AGR2: variants seen among roughly 807,000 people sequenced by gnomAD.
AGR2 encodes the protein anterior gradient 2, protein disulphide isomerase family member.
A neutral mutation model predicts 25.9 loss-of-function variants in AGR2; 27 were observed. The observed-to-expected ratio is 1.04, with a 90% CI of 0.77 to 1.44. The LOEUF is 1.44. AGR2 is among the 40% of genes most tolerant of loss of function. The pLI is 0.00. For missense variants in AGR2, 182 were observed against 200.9 expected, an observed-to-expected ratio of 0.91 and a Z score of 0.57; for synonymous variants, 78 against 72.0, an observed-to-expected ratio of 1.08 and a Z score of -0.42.
intron 5 of AGR2, 155 bp downstream of exon 5, chr7:16,799,589 A>G: frequency 1.8e-6 from 1 of 554,404 alleles, no homozygotes; most frequent in Non-Finnish European, 3.2e-6. Flanking sequence ...TTATTAATAC[A>G]ACGAAATATC....
chr7:16,795,159 C>G (rs1785023495), intron 6 of AGR2, 140 bp from the exon 7 acceptor site: 3 of 905,740 alleles, frequency 3.3e-6, no homozygotes, highest in South Asian at 1.5e-5. Flanking sequence ...GAGCTCTGAT[C>G]CATCCACTCT....
At chr7:16,794,885 A>G (rs372909656) in intron 7 of AGR2, 51 bp downstream of exon 7, 17 of 1,612,578 alleles carry the variant, frequency 1.1e-5, no homozygotes, top group Non-Finnish European at 1.4e-5. Context: ...TCACTACAGC[A>G]ATAGAGGTGT....
rs140883477 is a variant in AGR2 at position 16,798,921 on chromosome 7, A to T, written c.330+823T>A. Among the ~76,000 whole-genome samples, 562 of 152,344 alleles carry T rather than the reference A, an allele frequency of 3.7e-3. 3 individuals carry two copies. The highest frequency in any genetic ancestry group is 0.013 in the African/African-American group (539 of 41,582). On this transcript the variant is annotated intron_variant, in intron 5 of 7. Coordinates refer to ENST00000419304, the MANE Select transcript of AGR2 (RefSeq NM_006408.4). ...TTAAGCTGATTATGAGATATCTGGA[A>T]TATGGTTGGATAGACAATTTGGAAG... is the stretch of plus-strand genomic sequence containing the variant.
At chr7:16,798,127 G>T (rs543569049) in intron 5 of AGR2, among the ~76,000 whole-genome samples, 42 of 152,312 alleles carry the variant, frequency 2.8e-4, no homozygotes, top group African/African-American at 1.0e-3. Context: ...TTTAATGAAT[G>T]CACACTCTAT....
chr7:16,795,088 G>A lies in AGR2; in HGVS notation c.395-69C>T, dbSNP rs540621101. The stretch of plus-strand genomic sequence containing the variant: ...TCAAACAACCTGTATTTATTGCCCC[G>A]GGGAGCTGAAGTTCATGTATTCATG... On this transcript the variant is annotated intron_variant, in intron 6 of 7. Coordinates refer to ENST00000419304, the MANE Select transcript of AGR2 (RefSeq NM_006408.4). 5.5e-5 allele frequency: 85 copies of A among 1,543,818 alleles called. 1 individual carries two copies. In the East Asian group the frequency reaches 9.4e-4, roughly 17 times the overall value.
chr7:16,802,262 C>G (rs766256363), intron 1 of AGR2, among the ~76,000 whole-genome samples: 23 of 152,224 alleles, frequency 1.5e-4, no homozygotes, highest in Middle Eastern at 3.4e-3. Flanking sequence ...ATAATTTCAA[C>G]TTTATCATAG....
At chr7:16,795,572 A>G (rs891963590) in intron 6 of AGR2, among the ~76,000 whole-genome samples, 1 of 152,198 alleles carries the variant, frequency 6.6e-6, no homozygotes. Flanking sequence ...TTAAAAGTAG[A>G]GATTGGTCTT....
At chr7:16,799,530 A>G (rs1294700926) in intron 5 of AGR2, 4 of 484,284 alleles carry the variant, frequency 8.3e-6, no homozygotes, top group Non-Finnish European at 1.4e-5. Flanking sequence ...AATTTTTCAG[A>G]CAAACTAAGA....
intron 5 of AGR2, 159 bp downstream of exon 5, chr7:16,799,585 A>C: frequency 1.8e-6 from 1 of 552,460 alleles, no homozygotes; most frequent in Non-Finnish European, 3.2e-6. Flanking sequence ...TGGATTATTA[A>C]TACAACGAAA....
At chr7:16,794,628 TAGA>T (rs910797641) in intron 7 of AGR2, 4 of 558,990 alleles carry the variant, frequency 7.2e-6, no homozygotes, top group Non-Finnish European at 1.2e-5. Context: ...AGTTCTGTGA[TAGA>T]AGGAGTGTGT....
Position 16,801,531 on chromosome 7 carries a change from A to G in AGR2, c.139+127T>C, listed in dbSNP as rs1177851275. 6 of 1,373,088 alleles carry G rather than the reference A, an allele frequency of 4.4e-6. 1 individual carries two copies. In the African/African-American group the frequency reaches 7.2e-5, roughly 16 times the overall value. The allele number at this position is 1,373,088 out of a possible 1,614,324, so 85.1% of individuals were successfully genotyped here. ...AAAGTAGAAATAATTATAAACAGTG[A>G]TAAGTCTAGAAGGAACACAACCAAA... On this transcript the variant is annotated intron_variant, in intron 2 of 7. Coordinates refer to ENST00000419304, the MANE Select transcript of AGR2 (RefSeq NM_006408.4).
chr7:16,795,393 G>A (rs1785029060), intron 6 of AGR2, among the ~76,000 whole-genome samples: 1 of 145,540 alleles, frequency 6.9e-6, no homozygotes, highest in African/African-American at 2.6e-5. Context: ...CGATTATGTT[G>A]TAGTTTACAT....
chr7:16,796,554 T>C (rs1230113879), intron 6 of AGR2, among the ~76,000 whole-genome samples: 1 of 152,254 alleles, frequency 6.6e-6, no homozygotes, highest in Non-Finnish European at 1.5e-5. Context: ...TAAATCAGTA[T>C]GACTTTGAAC....
chr7:16,799,049 A>AAAAG (rs1785096123), intron 5 of AGR2, among the ~76,000 whole-genome samples: 1 of 152,122 alleles, frequency 6.6e-6, no homozygotes, highest in Admixed American at 6.5e-5. Flanking sequence ...ATGGAAAGAG[A>AAAAG]AAAGGGTCAA....
chr7:16,801,615 C>G, intron 2 of AGR2, 43 bp downstream of exon 2: 2 of 1,612,840 alleles, frequency 1.2e-6, no homozygotes, highest in Non-Finnish European at 1.7e-6. Context: ...AAATCTTTTC[C>G]AATTAAGTAG....
At chr7:16,795,157 A>G (rs1785023407) in intron 6 of AGR2, 138 bp from the exon 7 acceptor site, 3 of 918,598 alleles carry the variant, frequency 3.3e-6, no homozygotes, top group Non-Finnish European at 5.1e-6. Context: ...AGGAGCTCTG[A>G]TCCATCCACT....
rs1053122379 is a variant in AGR2 at position 16,794,729 on chromosome 7, A to G, written c.478+207T>C. On this transcript the variant is annotated intron_variant, in intron 7 of 7. Transcript: ENST00000419304. ...AAAAGATACCTAATCTAAATAATTC[A>G]TCTTCAATTGAGATTAAAAACAAAC... 24 of 1,308,408 alleles carry G rather than the reference A, an allele frequency of 1.8e-5. No homozygotes were observed. The Middle Eastern group carries it at 1.9e-3, about 105-fold the overall frequency. The allele number at this position is 1,308,408 out of a possible 1,614,324, so 81.0% of individuals were successfully genotyped here.
In AGR2 at chr7:16,792,201, A is replaced by G. The variant is rs1784976597; in HGVS notation, c.*707T>C. ...ATCGATTACAAGGTCAATTCCCAGGATTTCTTCAGGGTGTGTTCAGGAGTG... is the reference window on the plus strand; with the variant it reads ...ATCGATTACAAGGTCAATTCCCAGGGTTTCTTCAGGGTGTGTTCAGGAGTG... On this transcript the variant is annotated 3_prime_UTR_variant, in exon 8 of 8. Transcript: ENST00000419304. The G allele has an allele frequency of 1.3e-5, 2 of 152,168 alleles. No individual in the cohort carries two copies. The highest frequency in any genetic ancestry group is 2.9e-5 in the Non-Finnish European group (2 of 68,056). 9.4% of individuals were successfully genotyped at this position (152,168 alleles called of 1,614,324 possible). A position where few individuals can be genotyped will look rare whatever the true frequency, so the allele number is the denominator to read the frequency against.
In AGR2 at chr7:16,801,243, A is replaced by G. The variant is rs769233971; in HGVS notation, c.204-40T>C. On this transcript the variant is annotated intron_variant, in intron 3 of 7. Transcript: ENST00000419304. Reference sequence around the variant, plus strand: ...GATTAGACAAATTTTAATGAGTAAGATTTCACATATATCTAGATGTCACTA... The same window carrying G: ...GATTAGACAAATTTTAATGAGTAAGGTTTCACATATATCTAGATGTCACTA... 3.7e-5 allele frequency: 60 copies of G among 1,610,030 alleles called. No homozygotes were observed. The Middle Eastern group carries it at 6.6e-4, about 18-fold the overall frequency.
Sources: gnomAD v4.1 joint callset for allele counts (sites outside exome capture counted in the v4.1 genomes callset) on GRCh38, gnomAD v4.1.1 for gene constraint, MANE v1.5 for transcripts, NCBI Gene and HGNC (gene_info 2026-07-23, HGNC 2026-07-21) for gene names.